The following RAPGEF5 variants were observed in gnomAD, a reference collection of about 807,000 sequenced individuals.
RAPGEF5 encodes the protein M-Ras-regulated GEF.
Under a neutral mutation model 125.2 loss-of-function variants are expected in RAPGEF5, and 65 were observed. The ratio of observed to expected loss-of-function variants is 0.52; its 90% CI spans 0.43 to 0.64. The LOEUF (loss-of-function observed/expected upper bound fraction) is 0.64, where lower values mean the gene tolerates loss of function less well. Ranked by LOEUF, RAPGEF5 falls within the 30% of genes least tolerant of loss-of-function variation. The pLI, the probability that RAPGEF5 is intolerant of heterozygous loss-of-function variation, is 0.00. For missense variants in RAPGEF5, 958 were observed against 1,048.1 expected (o/e 0.91, Z 1.19); for synonymous variants, 391 against 385.9 (o/e 1.01, Z -0.16).
intron 7 of RAPGEF5, among the ~76,000 whole-genome samples, chr7:22,241,535 C>T (rs949475295): frequency 8.5e-5 from 13 of 152,252 alleles, no homozygotes; most frequent in Admixed American, 2.0e-4. Context: ...AAGCATTATT[C>T]CTACAATACT....
At chr7:22,343,104 C>G (rs1364739411) in intron 1 of RAPGEF5, among the ~76,000 whole-genome samples, 7 of 152,200 alleles carry the variant, frequency 4.6e-5, no homozygotes, top group Non-Finnish European at 8.8e-5. Context: ...GTCCGCATGG[C>G]TGGAGAGGCC....
rs576927850 is a variant in RAPGEF5, at chr7:22,272,913, T to A, written c.748-5901A>T. On this transcript the variant is annotated intron_variant, in intron 6 of 25. Coordinates refer to ENST00000665637, the MANE Select transcript of RAPGEF5 (RefSeq NM_012294.5). ...CTGGGACTACAGGCGCCTGCCACCA[T>A]GCCCAGCTAATTTGTTTGTATGTTT... Among the ~76,000 whole-genome samples, 294 of 150,676 alleles carry A rather than the reference T, an allele frequency of 2.0e-3. 2 individuals carry two copies. Among genetic ancestry groups the A allele is most frequent in the African/African-American group, 6.7e-3 (275 of 41,042 alleles).
At chr7:22,335,419 C>T (rs1299998841) in intron 1 of RAPGEF5, among the ~76,000 whole-genome samples, 1 of 152,142 alleles carries the variant, frequency 6.6e-6, no homozygotes, top group East Asian at 1.9e-4. Flanking sequence ...CCAGTCAGTT[C>T]CCTCTCTTCC....
At chr7:22,308,163 A>G (rs535704378) in intron 5 of RAPGEF5, among the ~76,000 whole-genome samples, 176 bp downstream of exon 5, 2 of 152,218 alleles carry the variant, frequency 1.3e-5, no homozygotes, top group Non-Finnish European at 2.9e-5. Flanking sequence ...GTTATTTATT[A>G]GCTGGATTTA....
chr7:22,245,761 A>C (rs1786460046), intron 7 of RAPGEF5, among the ~76,000 whole-genome samples: 3 of 152,176 alleles, frequency 2.0e-5, no homozygotes, highest in Admixed American at 6.5e-5. Context: ...ATGCCAAGCA[A>C]TCAGGAAAGA....
chr7:22,288,409 C>T (rs1164782086), intron 6 of RAPGEF5, among the ~76,000 whole-genome samples: 4 of 152,078 alleles, frequency 2.6e-5, no homozygotes, highest in African/African-American at 9.7e-5. Flanking sequence ...ATAATTTACT[C>T]AACTTCCTAA....
At chr7:22,128,806 G>A (rs190739019) in intron 24 of RAPGEF5, among the ~76,000 whole-genome samples, 138 of 152,250 alleles carry the variant, frequency 9.1e-4, no homozygotes, top group African/African-American at 3.1e-3. Context: ...TTGCGTGTGC[G>A]CTATGTGAGT....
intron 6 of RAPGEF5, among the ~76,000 whole-genome samples, chr7:22,285,787 G>T (rs1782782638): frequency 6.6e-6 from 1 of 152,156 alleles, no homozygotes; most frequent in South Asian, 2.1e-4. Flanking sequence ...TCAGAGGAGG[G>T]ATACCTGAAA....
intron 23 of RAPGEF5, among the ~76,000 whole-genome samples, chr7:22,135,684 C>A (rs1583395485): frequency 6.6e-6 from 1 of 152,164 alleles, no homozygotes; most frequent in African/African-American, 2.4e-5. Context: ...GATTGATCAC[C>A]ATTTGGGTTC....
chr7:22,229,153 G>T (rs1187441033), intron 8 of RAPGEF5, among the ~76,000 whole-genome samples: 1 of 152,070 alleles, frequency 6.6e-6, no homozygotes, highest in East Asian at 1.9e-4. Flanking sequence ...AACTCTAAAT[G>T]CTCTCTTCAC....
intron 1 of RAPGEF5, among the ~76,000 whole-genome samples, chr7:22,350,315 G>A: frequency 6.6e-6 from 1 of 152,126 alleles, no homozygotes; most frequent in East Asian, 1.9e-4. Flanking sequence ...GTATTTAGAC[G>A]CTACCTAAAA....
At chr7:22,301,544 G>C (rs1051839921) in intron 5 of RAPGEF5, among the ~76,000 whole-genome samples, 1 of 150,580 alleles carries the variant, frequency 6.6e-6, no homozygotes, top group Non-Finnish European at 1.5e-5. Flanking sequence ...GAACCCGGGA[G>C]GCGGAGCTTG....
chr7:22,345,455 C>T (rs370531482), intron 1 of RAPGEF5, among the ~76,000 whole-genome samples: 77 of 152,252 alleles, frequency 5.1e-4, no homozygotes, highest in African/African-American at 1.9e-3. Context: ...GTGGGCACTG[C>T]CTGTGATTCA....
rs756405439 is a variant in RAPGEF5 at position 22,269,976 on chromosome 7, C to T, written c.748-2964G>A. Reference sequence around the variant, plus strand: ...AAGGTCGAAAGGTTCTGCAGAGCCCCGGAGGAGAACAGGTGAAGGCAGCTG... The same window carrying T: ...AAGGTCGAAAGGTTCTGCAGAGCCCTGGAGGAGAACAGGTGAAGGCAGCTG... On this transcript the variant is annotated intron_variant, in intron 6 of 25. Coordinates refer to ENST00000665637, the MANE Select transcript of RAPGEF5 (RefSeq NM_012294.5). Among the ~76,000 whole-genome samples the T allele has an allele frequency of 2.0e-4, 30 of 152,210 alleles. No homozygotes were observed. The Middle Eastern group carries it at 0.01, about 52-fold the overall frequency.
rs543845059 is a variant in RAPGEF5, at chr7:22,320,573, C to A, written c.232-2536G>T. The stretch of plus-strand genomic sequence containing the variant: ...CCGCAAAAGCACCCTTGAAAATGCA[C>A]CCCCCTCTTTCCATTTTAACATTCT... On this transcript the variant is annotated intron_variant, in intron 1 of 25. Coordinates refer to ENST00000665637, the MANE Select transcript of RAPGEF5 (RefSeq NM_012294.5). 3.9e-5 allele frequency among the ~76,000 whole-genome samples: 6 copies of A among 152,228 alleles called. No individual in the cohort carries two copies. In the South Asian group the frequency reaches 8.3e-4, roughly 21 times the overall value.
Position 22,193,949 on chromosome 7 carries a change from C to A in RAPGEF5, c.1081G>T (p.Ala361Ser), listed in dbSNP as rs1427508403. The A allele has an allele frequency of 6.2e-7, 1 of 1,613,762 alleles. No individual in the cohort carries two copies. The highest frequency in any genetic ancestry group is 1.3e-5 in the African/African-American group (1 of 74,916). Residue 361 changes from alanine (A) to serine (S), a missense_variant, in exon 10 of 26, where the codon GCC (alanine) becomes TCC (serine). By Grantham distance (99) the Ala-to-Ser change is moderately conservative. Transcript: ENST00000665637. ...VLKKVQCCGP[A>S]PTAGSAESHW... ...CTCTCCGCACTCCCAGCTGTGGGGGCTGGGCCACAGCACTGCACTTTCTTC... is the reference window on the plus strand; with the variant it reads ...CTCTCCGCACTCCCAGCTGTGGGGGATGGGCCACAGCACTGCACTTTCTTC...
intron 16 of RAPGEF5, among the ~76,000 whole-genome samples, chr7:22,156,536 C>G (rs967600577): frequency 2.6e-5 from 4 of 152,212 alleles, no homozygotes; most frequent in African/African-American, 9.6e-5. Context: ...TCATTTTTAC[C>G]TCTTCTCAAG....
chr7:22,145,846 A>G (rs1463026649), intron 19 of RAPGEF5, among the ~76,000 whole-genome samples: 2 of 152,238 alleles, frequency 1.3e-5, no homozygotes, highest in Non-Finnish European at 2.9e-5. Flanking sequence ...TAAAATGCAA[A>G]GAGAATGAGA....
rs771035573 is a variant in RAPGEF5 at position 22,122,539 on chromosome 7, A to G, written c.2537-18T>C. 28 of 1,549,814 alleles carry G rather than the reference A, an allele frequency of 1.8e-5. 1 individual carries two copies. In the South Asian group the frequency reaches 2.9e-4, roughly 16 times the overall value. ...CAGGTCACCTGTTGTTTAGAGGGGG[A>G]AAAAAGACAATCTCAGGAGAGCAGT... On this transcript the variant is annotated intron_variant, in intron 25 of 25. Coordinates refer to ENST00000665637, the MANE Select transcript of RAPGEF5 (RefSeq NM_012294.5).
Sources: allele counts gnomAD v4.1 joint callset (sites outside exome capture counted in the v4.1 genomes callset), GRCh38; gene constraint gnomAD v4.1.1; transcripts MANE v1.5; gene names NCBI Gene and HGNC (gene_info 2026-07-23, HGNC 2026-07-21).